TBXAS1: variants seen among roughly 807,000 people sequenced by gnomAD.
TBXAS1 encodes thromboxane A synthase 1.
In TBXAS1, 48 loss-of-function variants were observed where a neutral mutation model predicts 60.7. That is an observed-to-expected ratio of 0.79 (90% CI 0.63 to 1.01). The LOEUF is 1.01. TBXAS1 is among the 50% of genes least tolerant of loss of function. The pLI, the probability that TBXAS1 is intolerant of heterozygous loss-of-function variation, is 0.00. For synonymous variants in TBXAS1, 287 were observed against 269.7 expected (o/e 1.06, Z -0.63); for missense variants, 685 against 686.3 (o/e 1.00, Z 0.02).
rs530134865 is a variant in TBXAS1, at chr7:140,010,002, C to T, written c.1226+2820C>T. Among the ~76,000 whole-genome samples, 49 of 119,558 alleles carry T rather than the reference C, an allele frequency of 4.1e-4. No individual in the cohort carries two copies. The South Asian group carries it at 0.011, about 27-fold the overall frequency. 78.4% of individuals were successfully genotyped at this position (119,558 alleles called of 152,430 possible). ...ACCTGCCCCACACCCGCTCCACACC[C>T]GCTTCACACCCGCTCCACACCCGCC... On this transcript the variant is annotated intron_variant, in intron 10 of 12. Coordinates refer to ENST00000448866, the MANE Select transcript of TBXAS1 (RefSeq NM_001061.7).
At chr7:139,952,863 TTC>T (rs1809524925) in intron 5 of TBXAS1, among the ~76,000 whole-genome samples, 1 of 152,190 alleles carries the variant, frequency 6.6e-6, no homozygotes, top group African/African-American at 2.4e-5. Context: ...TATAAATAAT[TTC>T]TGTGTTAAAT....
chr7:139,975,373 T>C lies in TBXAS1; in HGVS notation c.1134+13140T>C, dbSNP rs868746133. 4.6e-5 allele frequency among the ~76,000 whole-genome samples: 7 copies of C among 152,292 alleles called. No individual in the cohort carries two copies. The highest frequency in any genetic ancestry group is 3.4e-3 in the Middle Eastern group (1 of 294). Reference sequence around the variant, plus strand: ...CCTAGGTCGGATTGGCACTCACGTTTCCCGACTCCTTAGTCTGTATTCTTT... The same window carrying C: ...CCTAGGTCGGATTGGCACTCACGTTCCCCGACTCCTTAGTCTGTATTCTTT... On this transcript the variant is annotated intron_variant, in intron 9 of 12. Transcript: ENST00000448866. This position sits in a 1 kb window ranked among gnomAD's most constrained non-coding sequence, Gnocchi z 4.4.
chr7:139,889,318 GA>G (rs993885169), intron 3 of TBXAS1, among the ~76,000 whole-genome samples: 84 of 137,332 alleles, frequency 6.1e-4, no homozygotes, highest in African/African-American at 9.3e-4. Flanking sequence ...GAAAAAAAAG[GA>G]AAAAAAAAAA....
chr7:139,899,987 G>A (rs1167768395), intron 3 of TBXAS1, among the ~76,000 whole-genome samples: 1 of 152,150 alleles, frequency 6.6e-6, no homozygotes, highest in Non-Finnish European at 1.5e-5. Flanking sequence ...ATAAAATAAT[G>A]TCCTCATCCA....
At position 139,913,239 on chromosome 7, in the gene TBXAS1, T is replaced by G. The variant is rs1353410010; in HGVS notation, c.333+1918T>G. On this transcript the variant is annotated intron_variant, in intron 4 of 12. Coordinates refer to ENST00000448866, the MANE Select transcript of TBXAS1 (RefSeq NM_001061.7). Reference sequence around the variant, plus strand: ...CTTTCCCAAACACTGCATTGCTATCTCCTCGCTCAAAGTCCCCTGGAAGCC... The same window carrying G: ...CTTTCCCAAACACTGCATTGCTATCGCCTCGCTCAAAGTCCCCTGGAAGCC... 4.5e-6 allele frequency: 3 copies of G among 671,610 alleles called. No homozygotes were observed. In the South Asian group the frequency reaches 4.6e-5, roughly 10 times the overall value. 41.6% of individuals were successfully genotyped at this position (671,610 alleles called of 1,614,324 possible). A position where few individuals can be genotyped will look rare whatever the true frequency, so the allele number is the denominator to read the frequency against.
intron 1 of TBXAS1, among the ~76,000 whole-genome samples, chr7:139,848,391 T>C (rs1005478722): frequency 6.6e-6 from 1 of 152,188 alleles, no homozygotes; most frequent in African/African-American, 2.4e-5. Context: ...CAGGGCCCCA[T>C]TTTACAGATG....
rs150060935 is a variant in TBXAS1, at chr7:139,816,770, A to G, written c.-79-12542A>G. On this transcript the variant is annotated intron_variant, in intron 4 of 16. Transcript: ENST00000336425. ...ACTGCAATAGAGATGTTTGAATCTC[A>G]GGATGCTCCCATCCCTGCCCCTGCT... is the stretch of plus-strand genomic sequence containing the variant. Among the ~76,000 whole-genome samples, 268 of 152,324 alleles carry G rather than the reference A, an allele frequency of 1.8e-3. 1 individual carries two copies. Among genetic ancestry groups the G allele is most frequent in the African/African-American group, 6.1e-3 (252 of 41,560 alleles).
At chr7:139,793,506 G>A (rs1797455837) in intron 4 of TBXAS1, among the ~76,000 whole-genome samples, 1 of 152,116 alleles carries the variant, frequency 6.6e-6, no homozygotes, top group Non-Finnish European at 1.5e-5. Flanking sequence ...TGTAGTGAAA[G>A]GCAAGACAGA....
intron 3 of TBXAS1, among the ~76,000 whole-genome samples, chr7:139,888,795 G>C (rs146286931): frequency 9.2e-5 from 14 of 152,266 alleles, no homozygotes; most frequent in African/African-American, 3.1e-4. Flanking sequence ...GATGTTTGGG[G>C]CACAAGTAGA....
At chr7:139,974,840 GTTAAC>G (rs1811453293) in intron 9 of TBXAS1, among the ~76,000 whole-genome samples, 1 of 152,176 alleles carries the variant, frequency 6.6e-6, no homozygotes, top group Non-Finnish European at 1.5e-5. Context: ...CTAAACAAAA[GTTAAC>G]TTGATACTCA....
In TBXAS1 at chr7:139,906,621, A is replaced by G. The variant is rs143054120; in HGVS notation, c.237-4604A>G. Among the ~76,000 whole-genome samples, 550 of 152,216 alleles carry G rather than the reference A, an allele frequency of 3.6e-3. 1 individual carries two copies. The highest frequency in any genetic ancestry group is 4.9e-3 in the Non-Finnish European group (331 of 68,020). ...TATTTTAAGTTCTTTGCCTTTCCAT[A>G]TAAGTTTTGGAATAAGTTTGTCTAC... On this transcript the variant is annotated intron_variant, in intron 3 of 12. Transcript: ENST00000448866.
intron 3 of TBXAS1, among the ~76,000 whole-genome samples, chr7:139,786,305 G>A (rs73475949): frequency 0.014 from 2,149 of 152,092 alleles, 35 homozygotes; most frequent in African/African-American, 0.045. Flanking sequence ...ACAAAACACC[G>A]TAGTGTCAGG....
rs1800299469 is a variant in TBXAS1 at position 139,852,695 on chromosome 7, A to G, written c.90-19540A>G. On this transcript the variant is annotated intron_variant, in intron 1 of 12. Coordinates refer to ENST00000448866, the MANE Select transcript of TBXAS1 (RefSeq NM_001061.7). This position sits in a 1 kb window ranked among gnomAD's most constrained non-coding sequence, Gnocchi z 4.4. ...TTCTTTTGTTACTTTGAGTTACCCA[A>G]GCTCTTTAAACTGTCTGCCAAGCTC... Among the ~76,000 whole-genome samples, 1 of 152,126 alleles carries G rather than the reference A, an allele frequency of 6.6e-6. No individual in the cohort carries two copies. The highest frequency in any genetic ancestry group is 2.4e-5 in the African/African-American group (1 of 41,424).
chr7:139,905,357 G>T (rs560537372), intron 3 of TBXAS1, among the ~76,000 whole-genome samples: 47 of 152,128 alleles, frequency 3.1e-4, no homozygotes, highest in Non-Finnish European at 5.7e-4. Flanking sequence ...TACTTTTTCT[G>T]CATCTATTGA....
At chr7:139,782,588 A>C (rs1347569753) in intron 2 of TBXAS1, 2 of 152,080 alleles carry the variant, frequency 1.3e-5, no homozygotes, top group Non-Finnish European at 2.9e-5. Flanking sequence ...TCTTACTCTC[A>C]GGGTATTCTT....
rs1813957472 is a variant in TBXAS1, at chr7:140,004,991, G to A, written c.1135-2100G>A. On this transcript the variant is annotated intron_variant, in intron 9 of 12. Coordinates refer to ENST00000448866, the MANE Select transcript of TBXAS1 (RefSeq NM_001061.7). This position sits in a 1 kb window ranked among gnomAD's most constrained non-coding sequence, Gnocchi z 5.1. ...TCTCTGTGCCTGTACCCAGGACCCT[G>A]TGAAGTGTGGACAGCAACAGTGGCC... is the stretch of plus-strand genomic sequence containing the variant. Among the ~76,000 whole-genome samples the A allele has an allele frequency of 6.6e-6, 1 of 152,210 alleles. No individual in the cohort carries two copies. Among genetic ancestry groups the A allele is most frequent in the Non-Finnish European group, 1.5e-5 (1 of 68,040 alleles).
chr7:139,974,530 G>A (rs922764077), intron 9 of TBXAS1, among the ~76,000 whole-genome samples: 5 of 152,160 alleles, frequency 3.3e-5, no homozygotes, highest in African/African-American at 1.2e-4. Flanking sequence ...GGGCCCCTGA[G>A]CTGACACCTG....
At chr7:140,019,353 G>A (rs1815355490) in intron 12 of TBXAS1, among the ~76,000 whole-genome samples, 2 of 152,186 alleles carry the variant, frequency 1.3e-5, no homozygotes, top group African/African-American at 2.4e-5. Flanking sequence ...TGCGGGGCTT[G>A]TCTCACTTCC....
chr7:139,824,864 G>A (rs1174081549), upstream of TBXAS1, among the ~76,000 whole-genome samples: 7 of 121,774 alleles, frequency 5.7e-5, no homozygotes, highest in Admixed American at 4.4e-4. Context: ...GAGTCTTGCC[G>A]TATCATCCAG....
Sources: gnomAD v4.1 joint callset for allele counts (sites outside exome capture counted in the v4.1 genomes callset) on GRCh38, gnomAD v4.1.1 for gene constraint, Gnocchi (gnomAD v3.1) non-coding constraint, MANE v1.5 for transcripts, NCBI Gene and HGNC (gene_info 2026-07-23, HGNC 2026-07-21) for gene names.